The following BAIAP2 variants were observed in gnomAD, a reference collection of about 807,000 sequenced individuals.
BAIAP2 encodes BAR/IMD domain-containing adapter protein 2.
Under a neutral mutation model 63.0 loss-of-function variants are expected in BAIAP2, and 18 were observed. The ratio of observed to expected loss-of-function variants is 0.29; its 90% confidence interval spans 0.20 to 0.42. The LOEUF is 0.42. Among genes scored for constraint, BAIAP2 ranks in the 10% least tolerant of loss-of-function variants. The pLI is 1.00. For synonymous variants in BAIAP2, 386 were observed against 307.6 expected, an observed-to-expected ratio of 1.25 and a Z score of -2.67; for missense variants, 610 against 734.3, an observed-to-expected ratio of 0.83 and a Z score of 1.96.
Position 81,116,023 on chromosome 17 carries a change from CGCAGGCCCCTGAAGG to C in BAIAP2, c.*187_*201del. ...CTAGGCAGGGCCGGGCAGAGTGGGG[CGCAGGCCCCTGAAGG>C]GCGAGACCCAGTGGCTGGGCTGCCC... On this transcript the variant is annotated 3_prime_UTR_variant, in exon 14 of 14. Coordinates refer to ENST00000428708, the MANE Select transcript of BAIAP2 (RefSeq NM_001144888.2). The C allele has an allele frequency of 8.2e-6, 12 of 1,459,552 alleles. No individual in the cohort carries two copies. The highest frequency in any genetic ancestry group is 1.1e-5 in the Non-Finnish European group (12 of 1,108,746). The allele number at this position is 1,459,552 out of a possible 1,614,324, so 90.4% of individuals were successfully genotyped here.
chr17:81,091,989 A>G (rs1050761451), intron 6 of BAIAP2, among the ~76,000 whole-genome samples: 3 of 152,236 alleles, frequency 2.0e-5, no homozygotes, highest in Non-Finnish European at 2.9e-5. Context: ...GCCCCCATCT[A>G]CAGGGCCCCC....
chr17:81,042,670 A>G (rs189521883), intron 1 of BAIAP2, among the ~76,000 whole-genome samples: 1 of 152,080 alleles, frequency 6.6e-6, no homozygotes, highest in East Asian at 1.9e-4. Context: ...GCGCTGGGGT[A>G]GCACAGGTGC....
chr17:81,041,267 C>T (rs117356593), intron 1 of BAIAP2, among the ~76,000 whole-genome samples: 7,915 of 152,314 alleles, frequency 0.052, 315 homozygotes, highest in Admixed American at 0.12. Flanking sequence ...GTGGGTACAG[C>T]GGGCAGGATG....
At chr17:81,106,442 G>C (rs1306319103) in intron 11 of BAIAP2, among the ~76,000 whole-genome samples, 1 of 152,102 alleles carries the variant, frequency 6.6e-6, no homozygotes, top group African/African-American at 2.4e-5. Flanking sequence ...AGGTCCTCCA[G>C]GTTCTCCCAG....
chr17:81,084,734 CAG>C, intron 3 of BAIAP2, 96 bp from the exon 4 acceptor site: 1 of 1,255,408 alleles, frequency 8.0e-7, no homozygotes, highest in Non-Finnish European at 1.2e-6. Flanking sequence ...CCTGTGGTCA[CAG>C]GGCTTCCCTG....
At chr17:81,044,194 C>T (rs770770093) in intron 1 of BAIAP2, among the ~76,000 whole-genome samples, 9 of 152,226 alleles carry the variant, frequency 5.9e-5, no homozygotes, top group Non-Finnish European at 1.2e-4. Context: ...TGCTCAGCCA[C>T]GGTTGCTCCT....
At chr17:81,047,735 G>T (rs1289639613) in intron 1 of BAIAP2, among the ~76,000 whole-genome samples, 2 of 149,188 alleles carry the variant, frequency 1.3e-5, no homozygotes, top group African/African-American at 2.5e-5. Context: ...GTGTGAGTGT[G>T]CATGCACAAG....
Position 81,048,451 on chromosome 17 carries a change from C to T in BAIAP2, c.55-5217C>T, listed in dbSNP as rs180685350. Among the ~76,000 whole-genome samples the T allele has an allele frequency of 1.6e-3, 243 of 151,720 alleles. 1 individual carries two copies. Among genetic ancestry groups the T allele is most frequent in the Non-Finnish European group, 2.0e-3 (137 of 67,986 alleles). ...TGGGCAGGAGAGCAAAGTCCTTTGG[C>T]AGAGGTCCTTTCTGTAAATGTACTG... On this transcript the variant is annotated intron_variant, in intron 1 of 13. Coordinates refer to ENST00000428708, the MANE Select transcript of BAIAP2 (RefSeq NM_001144888.2).
At position 81,071,673 on chromosome 17, in the gene BAIAP2, G is replaced by A. The variant is rs140977340; in HGVS notation, c.218-13159G>A. Among the ~76,000 whole-genome samples, 1,119 of 152,364 alleles carry A rather than the reference G, an allele frequency of 7.3e-3. 3 individuals are homozygous for A. Among genetic ancestry groups the A allele is most frequent in the Non-Finnish European group, 0.011 (732 of 68,036 alleles). On this transcript the variant is annotated intron_variant, in intron 3 of 13. Coordinates refer to ENST00000428708, the MANE Select transcript of BAIAP2 (RefSeq NM_001144888.2). The stretch of plus-strand genomic sequence containing the variant: ...GACCACTCGGTAGCAGCGCCCGTCC[G>A]TCCCTGAGCCTCTGTTTGAGGGACT...
chr17:81,080,450 G>A (rs1484805589), intron 3 of BAIAP2, among the ~76,000 whole-genome samples: 2 of 152,378 alleles, frequency 1.3e-5, no homozygotes, highest in Non-Finnish European at 2.9e-5. Flanking sequence ...GCCGCACATT[G>A]TGGGGCTGGG....
intron 13 of BAIAP2, among the ~76,000 whole-genome samples, chr17:81,113,495 G>A (rs903164626): frequency 6.6e-6 from 1 of 152,192 alleles, no homozygotes; most frequent in Non-Finnish European, 1.5e-5. Context: ...CCTCCTGGGC[G>A]CGTCTTTCCC....
chr17:81,048,228 A>C (rs2048120638), intron 1 of BAIAP2, among the ~76,000 whole-genome samples: 1 of 152,124 alleles, frequency 6.6e-6, no homozygotes. Flanking sequence ...CTACTGAAAT[A>C]CAAAAATTAG....
Position 81,103,566 on chromosome 17 carries a change from T to TC in BAIAP2, c.710dup (p.Glu238GlyfsTer78), listed in dbSNP as rs1262723820. 1 of 1,601,406 alleles carries TC rather than the reference T, an allele frequency of 6.2e-7. No homozygotes were observed. Among genetic ancestry groups the TC allele is most frequent in the Non-Finnish European group, 8.5e-7 (1 of 1,178,950 alleles). ...CAGGCCTGTGCCGACCCCAGCAAGA[T>TC]CCCGGAGCGCGCGGTGCAGCTCATG... On this transcript the variant is annotated frameshift_variant, in exon 8 of 14. Transcript: ENST00000428708. LOFTEE classifies it high-confidence loss of function.
chr17:81,041,418 A>AG (rs1350414416), intron 1 of BAIAP2, among the ~76,000 whole-genome samples: 1 of 152,142 alleles, frequency 6.6e-6, no homozygotes, highest in East Asian at 1.9e-4. Context: ...CTGGGCCATG[A>AG]GGTGCTGGGG....
intron 1 of BAIAP2, 99 bp downstream of exon 1, chr17:81,035,407 G>A: frequency 1.5e-6 from 1 of 667,706 alleles, no homozygotes; most frequent in Non-Finnish European, 1.9e-6. Context: ...CCGGGGCCGC[G>A]CGCCGGGCCA....
Position 81,116,134 on chromosome 17 carries a change from A to C in BAIAP2, c.*295A>C. On this transcript the variant is annotated 3_prime_UTR_variant, in exon 14 of 14. Coordinates refer to ENST00000428708, the MANE Select transcript of BAIAP2 (RefSeq NM_001144888.2). The stretch of plus-strand genomic sequence containing the variant: ...GGCCATGGAGCCTTGGGTACCCCTG[A>C]GTTAAGGGAGGACATTTGGCCAGCT... The C allele has an allele frequency of 6.3e-7, 1 of 1,588,672 alleles. No homozygotes were observed. The highest frequency in any genetic ancestry group is 8.6e-7 in the Non-Finnish European group (1 of 1,168,526).
chr17:81,038,620 C>T (rs1023180366), intron 1 of BAIAP2, among the ~76,000 whole-genome samples: 1 of 152,252 alleles, frequency 6.6e-6, no homozygotes, highest in Non-Finnish European at 1.5e-5. Context: ...CCACAGGGTT[C>T]CTGGAGCCAG....
At chr17:81,091,314 G>C (rs2056728408) in intron 6 of BAIAP2, among the ~76,000 whole-genome samples, 1 of 151,928 alleles carries the variant, frequency 6.6e-6, no homozygotes, top group Non-Finnish European at 1.5e-5. Flanking sequence ...GAAAGGGCCT[G>C]CTGGAAGTAC....
Position 81,116,554 on chromosome 17 carries a change from G to C in BAIAP2, c.*715G>C, listed in dbSNP as rs1435140393. ...CCTGCGGCCAAAGGCCAGCTGTCAG[G>C]TGCTATGCGGGGTCACCAGCAGAGT... On this transcript the variant is annotated 3_prime_UTR_variant, in exon 14 of 14. Coordinates refer to ENST00000428708, the MANE Select transcript of BAIAP2 (RefSeq NM_001144888.2). 5 of 558,542 alleles carry C rather than the reference G, an allele frequency of 9.0e-6. No homozygotes were observed. The highest frequency in any genetic ancestry group is 1.6e-5 in the Non-Finnish European group (5 of 313,720). The allele number at this position is 558,542 out of a possible 1,614,324, so 34.6% of individuals were successfully genotyped here. A position where few individuals can be genotyped will look rare whatever the true frequency, so the allele number is the denominator to read the frequency against.
Sources: allele counts gnomAD v4.1 joint callset (sites outside exome capture counted in the v4.1 genomes callset), GRCh38; gene constraint gnomAD v4.1.1; transcripts MANE v1.5; gene names NCBI Gene and HGNC (gene_info 2026-07-23, HGNC 2026-07-21).